Variants in PCDHGA12 observed in about 807,000 individuals in gnomAD.
PCDHGA12 encodes the protein protocadherin gamma-A12.
A neutral mutation model predicts 61.1 loss-of-function variants in PCDHGA12; 43 were observed. The observed-to-expected ratio is 0.70, with a 90% CI of 0.55 to 0.91. PCDHGA12 has a LOEUF of 0.91. Among genes scored for constraint, PCDHGA12 ranks in the 40% least tolerant of loss-of-function variants. The pLI is 0.00. For synonymous variants in PCDHGA12, 520 were observed against 542.9 expected, an observed-to-expected ratio of 0.96 and a Z score of 0.59; for missense variants, 1,236 against 1,227.7, an observed-to-expected ratio of 1.01 and a Z score of -0.10.
At chr5:141,455,860 A>ATTAT (rs145569377) in intron 1 of PCDHGA12, among the ~76,000 whole-genome samples, 7,190 of 139,786 alleles carry the variant, frequency 0.051, 228 homozygotes, top group South Asian at 0.064. Context: ...AATTTCTTTT[A>ATTAT]TTATTTATTT....
chr5:141,506,577 A>G (rs2099855057), intron 3 of PCDHGA12, among the ~76,000 whole-genome samples: 1 of 152,162 alleles, frequency 6.6e-6, no homozygotes, highest in South Asian at 2.1e-4. Flanking sequence ...TTCACTTACT[A>G]TTAATGGGCA....
At chr5:141,500,721 ATG>A (rs1209024560) in intron 2 of PCDHGA12, among the ~76,000 whole-genome samples, 1 of 152,088 alleles carries the variant, frequency 6.6e-6, no homozygotes, top group African/African-American at 2.4e-5. Context: ...GAATTTCCCC[ATG>A]TCTTTCAAAA....
chr5:141,478,199 C>G, intron 1 of PCDHGA12: 1 of 1,614,056 alleles, frequency 6.2e-7, no homozygotes, highest in Non-Finnish European at 8.5e-7. Flanking sequence ...CTTTTATCTA[C>G]TTCTTTCTCT....
intron 1 of PCDHGA12, among the ~76,000 whole-genome samples, chr5:141,466,975 A>C (rs769024064): frequency 2.6e-5 from 4 of 151,842 alleles, no homozygotes; most frequent in Non-Finnish European, 5.9e-5. Context: ...CTCACAGCTC[A>C]TCATTTACCT....
Position 141,491,590 on chromosome 5 carries a change from G to A in PCDHGA12, c.2425-3217G>A, listed in dbSNP as rs376104513. ...GACGTGCTTTTCACCGGCCTCGGAC[G>A]GCAGTGACTTCACTTTTCTAAGACC... On this transcript the variant is annotated intron_variant, in intron 1 of 3. Transcript: ENST00000252085. The surrounding 1 kb of genome is among the most constrained non-coding windows in gnomAD (Gnocchi z 6.9). 15 of 1,613,828 alleles carry A rather than the reference G, an allele frequency of 9.3e-6. No homozygotes were observed. In the African/African-American group the frequency reaches 2.0e-4, roughly 22 times the overall value.
Position 141,489,646 on chromosome 5 carries a change from C to G in PCDHGA12, c.2425-5161C>G, listed in dbSNP as rs1274955075. The G allele has an allele frequency of 1.2e-6, 2 of 1,614,186 alleles. No individual in the cohort carries two copies. Among genetic ancestry groups the G allele is most frequent in the Non-Finnish European group, 1.7e-6 (2 of 1,180,022 alleles). ...TGACAACTCTCCTAGCTTTGCCACC[C>G]CTGAGCGAGAGATGCGCATCTCAGA... On this transcript the variant is annotated intron_variant, in intron 1 of 3. Coordinates refer to ENST00000252085, the MANE Select transcript of PCDHGA12 (RefSeq NM_003735.3). The surrounding 1 kb of genome is among the most constrained non-coding windows in gnomAD (Gnocchi z 4.5).
At chr5:141,465,657 G>A (rs904553709) in intron 1 of PCDHGA12, among the ~76,000 whole-genome samples, 4 of 152,130 alleles carry the variant, frequency 2.6e-5, no homozygotes, top group East Asian at 1.9e-4. Flanking sequence ...CCAAAAAAGC[G>A]CTTGCCATGA....
rs1386904017 is a variant in PCDHGA12 at position 141,476,642 on chromosome 5, CG to C, written c.2425-18164del. On this transcript the variant is annotated intron_variant, in intron 1 of 3. Coordinates refer to ENST00000252085, the MANE Select transcript of PCDHGA12 (RefSeq NM_003735.3). The surrounding 1 kb of genome is among the most constrained non-coding windows in gnomAD (Gnocchi z 7.6). ...CTCTTTACAAACCTATGAGCTGAGC[CG>C]AAATGAATACTTTGCGCTTCGCGTG... The C allele has an allele frequency of 2.5e-6, 4 of 1,614,240 alleles. No homozygotes were observed.
chr5:141,462,375 T>G (rs2099038282), intron 1 of PCDHGA12, among the ~76,000 whole-genome samples: 1 of 152,252 alleles, frequency 6.6e-6, no homozygotes, highest in Non-Finnish European at 1.5e-5. Context: ...TTCTATTCTT[T>G]TAAATTCGTT....
At chr5:141,456,020 C>A (rs2098840631) in intron 1 of PCDHGA12, among the ~76,000 whole-genome samples, 2 of 151,952 alleles carry the variant, frequency 1.3e-5, no homozygotes, top group South Asian at 4.2e-4. Flanking sequence ...GCCTCAGCCT[C>A]CCGAGTAGCT....
intron 3 of PCDHGA12, among the ~76,000 whole-genome samples, chr5:141,506,567 T>G (rs2099855029): frequency 6.6e-6 from 1 of 152,182 alleles, no homozygotes; most frequent in Non-Finnish European, 1.5e-5. Flanking sequence ...CCCCCTCGGT[T>G]TCACTTACTA....
chr5:141,451,521 TAAAGG>T (rs1187561043), intron 1 of PCDHGA12, among the ~76,000 whole-genome samples: 1 of 152,148 alleles, frequency 6.6e-6, no homozygotes, highest in Non-Finnish European at 1.5e-5. Context: ...TTAGAGCAAG[TAAAGG>T]AGAGTGCCAG....
chr5:141,466,754 C>G (rs1045917268), intron 1 of PCDHGA12, among the ~76,000 whole-genome samples: 2 of 152,138 alleles, frequency 1.3e-5, no homozygotes, highest in South Asian at 2.1e-4. Context: ...GATAGGGGCT[C>G]TTTTCAAACT....
intron 1 of PCDHGA12, among the ~76,000 whole-genome samples, chr5:141,456,668 T>G (rs2098874996): frequency 1.3e-5 from 2 of 152,254 alleles, no homozygotes; most frequent in Admixed American, 6.5e-5. Context: ...ATGTTTCATT[T>G]AAAAATGCAT....
At position 141,430,895 on chromosome 5, in the gene PCDHGA12, G is replaced by A. The variant is rs775296800; in HGVS notation, c.136G>A (p.Gly46Ser). 6.9e-6 allele frequency: 11 copies of A among 1,605,692 alleles called. No individual in the cohort carries two copies. The Admixed American group carries it at 1.0e-4, about 15-fold the overall frequency. The part of the protein sequence containing the change: ...PEELEKGSRV[G>S]DISRDLGLEP... ...AGAGCTGGAGAAAGGCTCTAGGGTG[G>A]GCGACATCTCCAGGGACCTGGGGCT... The change falls in exon 1 of 4, where the codon GGC (glycine) becomes AGC (serine). Residue 46 changes from glycine to serine, a missense_variant. By Grantham distance (56) the Gly-to-Ser change is moderately conservative. Coordinates refer to ENST00000252085, the MANE Select transcript of PCDHGA12 (RefSeq NM_003735.3).
chr5:141,486,371 G>T lies in PCDHGA12; in HGVS notation c.2425-8436G>T. 1.9e-6 allele frequency: 3 copies of T among 1,614,138 alleles called. No homozygotes were observed. The highest frequency in any genetic ancestry group is 2.5e-6 in the Non-Finnish European group (3 of 1,180,010). On this transcript the variant is annotated intron_variant, in intron 1 of 3. Coordinates refer to ENST00000252085, the MANE Select transcript of PCDHGA12 (RefSeq NM_003735.3). The surrounding 1 kb of genome is among the most constrained non-coding windows in gnomAD (Gnocchi z 5.0). ...CCACTTGCCATTTGCCCTCAAGTCT[G>T]CCTTCAGGAACCAGTTCTCCCTGGT...
chr5:141,494,439 C>T (rs1009257996), intron 1 of PCDHGA12, among the ~76,000 whole-genome samples: 1 of 152,126 alleles, frequency 6.6e-6, no homozygotes, highest in Non-Finnish European at 1.5e-5. Flanking sequence ...CCTCCTTTGC[C>T]ACTTTAGGGG....
intron 1 of PCDHGA12, among the ~76,000 whole-genome samples, chr5:141,446,107 T>C (rs1031524158): frequency 6.6e-6 from 1 of 152,130 alleles, no homozygotes; most frequent in Admixed American, 6.5e-5. Flanking sequence ...TATAGATATA[T>C]TTAGGAAATG....
intron 1 of PCDHGA12, among the ~76,000 whole-genome samples, chr5:141,446,430 T>A (rs1468987045): frequency 6.6e-6 from 1 of 152,058 alleles, no homozygotes; most frequent in Non-Finnish European, 1.5e-5. Flanking sequence ...ATTTGAAGGA[T>A]CTGAGAAACA....
Sources: allele counts gnomAD v4.1 joint callset (sites outside exome capture counted in the v4.1 genomes callset), GRCh38; gene constraint gnomAD v4.1.1; non-coding constraint Gnocchi (gnomAD v3.1); transcripts MANE v1.5; gene names NCBI Gene and HGNC (gene_info 2026-07-23, HGNC 2026-07-21).